Variants in ZYG11B observed in about 807,000 individuals in gnomAD.
The protein encoded by ZYG11B is zyg-11 family member B, cell cycle regulator.
ZYG11B carries 36 observed loss-of-function variants against 82.4 expected under a neutral mutation model. The observed-to-expected ratio is 0.44, with a 90% CI of 0.33 to 0.58. The LOEUF (loss-of-function observed/expected upper bound fraction) is 0.58. Ranked by LOEUF, ZYG11B falls within the 20% of genes least tolerant of loss-of-function variation. The pLI is 0.02. For synonymous variants in ZYG11B, 303 were observed against 312.8 expected (o/e 0.97, Z 0.33); for missense variants, 552 against 895.6 (o/e 0.62, Z 4.90).
chr1:52,810,277 G>C (rs942830477), intron 10 of ZYG11B, among the ~76,000 whole-genome samples: 4 of 152,172 alleles, frequency 2.6e-5, no homozygotes, highest in African/African-American at 9.7e-5. Flanking sequence ...CTGGCCCTCT[G>C]TGAGCACTAT....
At chr1:52,786,687 T>C (rs948534134) in intron 5 of ZYG11B, among the ~76,000 whole-genome samples, 1 of 152,078 alleles carries the variant, frequency 6.6e-6, no homozygotes, top group Non-Finnish European at 1.5e-5. Context: ...AATCCATATG[T>C]TGAGGAATTG....
intron 4 of ZYG11B, among the ~76,000 whole-genome samples, chr1:52,783,803 T>TAC (rs1228904788): frequency 3.5e-5 from 2 of 57,030 alleles, no homozygotes; most frequent in African/African-American, 8.1e-5. Context: ...TATATATATA[T>TAC]ATACACACAC....
At chr1:52,743,502 A>G (rs1488685274) in intron 1 of ZYG11B, among the ~76,000 whole-genome samples, 1 of 151,724 alleles carries the variant, frequency 6.6e-6, no homozygotes, top group Non-Finnish European at 1.5e-5. Context: ...AAATTTGCTC[A>G]GGAGTTCGAG....
chr1:52,812,547 C>T (rs1415162895), intron 10 of ZYG11B, among the ~76,000 whole-genome samples: 1 of 152,046 alleles, frequency 6.6e-6, no homozygotes. Context: ...GGATTACAGG[C>T]ACATGACACC....
In ZYG11B at chr1:52,762,246, T is replaced by C. The variant is rs560122936; in HGVS notation, c.196+5623T>C. 2.7e-3 allele frequency among the ~76,000 whole-genome samples: 414 copies of C among 150,616 alleles called. 3 individuals are homozygous for C. The highest frequency in any genetic ancestry group is 9.7e-3 in the African/African-American group (396 of 40,810). ...TTTTTTTTGACAGGGTCTCACTCTG[T>C]TATGCAGGCTGGAGTACAGTGGTGT... is the stretch of plus-strand genomic sequence containing the variant. On this transcript the variant is annotated intron_variant, in intron 2 of 13. Transcript: ENST00000294353.
At chr1:52,729,800 C>T (rs1644315054) in intron 1 of ZYG11B, among the ~76,000 whole-genome samples, 1 of 151,570 alleles carries the variant, frequency 6.6e-6, no homozygotes, top group Admixed American at 6.6e-5. Context: ...AGGGCAGGGC[C>T]TGAGAGGTGG....
chr1:52,822,275 T>C lies in ZYG11B; in HGVS notation c.*646T>C, dbSNP rs1645289606. ...AATGAGACAGGCTACCCTTCGGGAG[T>C]CCACCTCTCTTGAGGCGGTGAGCAG... On this transcript the variant is annotated 3_prime_UTR_variant, in exon 14 of 14. Transcript: ENST00000294353. 6.6e-6 allele frequency: 1 copy of C among 152,134 alleles called. No individual in the cohort carries two copies. Among genetic ancestry groups the C allele is most frequent in the South Asian group, 2.1e-4 (1 of 4,824 alleles). 9.4% of individuals were successfully genotyped at this position (152,134 alleles called of 1,614,324 possible). A position where few individuals can be genotyped will look rare whatever the true frequency, so the allele number is the denominator to read the frequency against.
chr1:52,726,732 C>T (rs1644287564), intron 1 of ZYG11B, 49 bp downstream of exon 1: 2 of 1,437,718 alleles, frequency 1.4e-6, no homozygotes, highest in Non-Finnish European at 1.8e-6. Context: ...CACCCTAGCC[C>T]CCGCCCGTCG....
intron 1 of ZYG11B, among the ~76,000 whole-genome samples, chr1:52,752,823 G>A (rs1005964781): frequency 1.3e-5 from 2 of 149,164 alleles, no homozygotes; most frequent in African/African-American, 5.0e-5. Context: ...CAGTAGTGTT[G>A]TGAGTAAAAA....
chr1:52,816,493 A>G, intron 12 of ZYG11B, 39 bp from the exon 13 acceptor site: 1 of 1,396,582 alleles, frequency 7.2e-7, no homozygotes, highest in Non-Finnish European at 1.0e-6. Context: ...TACGCTAAAT[A>G]TGGGATGTAA....
At chr1:52,757,997 C>T (rs1644594063) in intron 2 of ZYG11B, among the ~76,000 whole-genome samples, 1 of 151,764 alleles carries the variant, frequency 6.6e-6, no homozygotes, top group Non-Finnish European at 1.5e-5. Context: ...GTCAGGAGTT[C>T]GAGACCAGCC....
At chr1:52,787,141 A>C (rs1644919878) in intron 5 of ZYG11B, among the ~76,000 whole-genome samples, 1 of 152,156 alleles carries the variant, frequency 6.6e-6, no homozygotes, top group African/African-American at 2.4e-5. Flanking sequence ...TATAATGATA[A>C]CATATTGGAA....
chr1:52,768,090 A>T (rs1644714152), intron 2 of ZYG11B, among the ~76,000 whole-genome samples: 1 of 152,116 alleles, frequency 6.6e-6, no homozygotes. Flanking sequence ...ATTTGCTGGC[A>T]TGGGTGGAGC....
At chr1:52,739,475 A>G (rs1030230878) in intron 1 of ZYG11B, among the ~76,000 whole-genome samples, 8 of 152,188 alleles carry the variant, frequency 5.3e-5, no homozygotes, top group South Asian at 2.1e-4. Flanking sequence ...CTGTAGTACT[A>G]TGGGATCTGG....
At chr1:52,817,815 AT>A (rs1176871667) in intron 13 of ZYG11B, among the ~76,000 whole-genome samples, 3 of 27,664 alleles carry the variant, frequency 1.1e-4, no homozygotes, top group Non-Finnish European at 1.9e-4. Context: ...ATATATATAT[AT>A]TTTTTTTTTT....
intron 2 of ZYG11B, among the ~76,000 whole-genome samples, chr1:52,757,651 G>T (rs898707101): frequency 6.6e-6 from 1 of 151,956 alleles, no homozygotes; most frequent in African/African-American, 2.4e-5. Flanking sequence ...CTCCAGCCTG[G>T]GCGACAGAGC....
chr1:52,819,826 T>C (rs1645267961), intron 13 of ZYG11B, among the ~76,000 whole-genome samples: 1 of 141,194 alleles, frequency 7.1e-6, no homozygotes, highest in African/African-American at 3.2e-5. Context: ...TGCATTTTCA[T>C]ATGAGTATTT....
rs1553260250 is a variant in ZYG11B, at chr1:52,776,229, A to ATATAT, written c.952-3624_952-3623insTATAT. Among the ~76,000 whole-genome samples, 175 of 23,516 alleles carry ATATAT rather than the reference A, an allele frequency of 7.4e-3. 31 individuals carry two copies. The highest frequency in any genetic ancestry group is 0.018 in the Non-Finnish European group (153 of 8,644). The allele number at this position is 23,516 out of a possible 152,430, so 15.4% of individuals were successfully genotyped here. A position where few individuals can be genotyped will look rare whatever the true frequency, so the allele number is the denominator to read the frequency against. ...AGCAAAACTCTGTCTTAAAAAAAAA[A>ATATAT]ATATATATATATATATGCAATAAAG... On this transcript the variant is annotated intron_variant, in intron 3 of 13. Coordinates refer to ENST00000294353, the MANE Select transcript of ZYG11B (RefSeq NM_024646.3).
At chr1:52,781,873 C>G (rs1044588261) in intron 4 of ZYG11B, among the ~76,000 whole-genome samples, 1 of 151,954 alleles carries the variant, frequency 6.6e-6, no homozygotes, top group Non-Finnish European at 1.5e-5. Context: ...TTATCACCAA[C>G]ACCTGTCACT....
Sources: gnomAD v4.1 joint callset for allele counts (sites outside exome capture counted in the v4.1 genomes callset) on GRCh38, gnomAD v4.1.1 for gene constraint, MANE v1.5 for transcripts, NCBI Gene and HGNC (gene_info 2026-07-23, HGNC 2026-07-21) for gene names.